TYW3: variants seen among roughly 807,000 people sequenced by gnomAD.
TYW3 encodes tRNA wybutosine-synthesizing protein 3 homolog.
In TYW3, 26 loss-of-function variants were observed where a neutral mutation model predicts 23.1. The ratio of observed to expected loss-of-function variants is 1.13; its 90% CI spans 0.83 to 1.56. TYW3 has a LOEUF of 1.56. TYW3 is among the 40% of genes most tolerant of loss of function. The pLI, the probability that TYW3 is intolerant of heterozygous loss-of-function variation, is 0.00. For missense variants in TYW3, 316 were observed against 311.9 expected (o/e 1.01, Z -0.10); for synonymous variants, 102 against 105.7 (o/e 0.97, Z 0.21).
At chr1:74,744,371 C>T (rs1350673067) in intron 3 of TYW3, among the ~76,000 whole-genome samples, 1 of 151,710 alleles carries the variant, frequency 6.6e-6, no homozygotes, top group Non-Finnish European at 1.5e-5. Flanking sequence ...ATATTGGGGC[C>T]AAGCTGTGAT....
intron 3 of TYW3, among the ~76,000 whole-genome samples, chr1:74,748,368 A>G (rs1184490972): frequency 4.6e-5 from 7 of 152,232 alleles, no homozygotes; most frequent in Admixed American, 1.3e-4. Context: ...TTTAAGCAAT[A>G]GAAGGGATAT....
At chr1:74,753,741 A>G (rs1648865323) in intron 5 of TYW3, among the ~76,000 whole-genome samples, 1 of 152,194 alleles carries the variant, frequency 6.6e-6, no homozygotes, top group Non-Finnish European at 1.5e-5. Flanking sequence ...ATTCATGGAG[A>G]ATAAACCTAT....
chr1:74,755,478 T>G (rs148951504), intron 5 of TYW3, among the ~76,000 whole-genome samples: 1 of 152,372 alleles, frequency 6.6e-6, no homozygotes, highest in East Asian at 1.9e-4. Context: ...TAATGTAGGA[T>G]TCATCCATGC....
rs1384238200 is a variant in TYW3, at chr1:74,764,035, A to C, written c.702A>C (p.Lys234Asn). 6.2e-7 allele frequency: 1 copy of C among 1,613,276 alleles called. No homozygotes were observed. The highest frequency in any genetic ancestry group is 1.3e-5 in the African/African-American group (1 of 74,870). ...PEKTRAQCIT[K>N]ESDEELENDD... ...AAACACGTGCCCAGTGTATTACTAA[A>C]GAAAGTGATGAAGAACTTGAAAATG... The change falls in exon 6 of 6, where the codon AAA becomes AAC. Residue 234 changes from lysine (K) to asparagine (N), a missense_variant. Physicochemically the swap from Lys to Asn is moderately conservative, Grantham distance 94. Transcript: ENST00000370867.
chr1:74,755,229 C>CAG (rs1366858121), intron 5 of TYW3, among the ~76,000 whole-genome samples: 1 of 152,064 alleles, frequency 6.6e-6, no homozygotes. Context: ...CCATTTTAAC[C>CAG]AGTGGCATTA....
chr1:74,744,985 C>T (rs1557744966), intron 3 of TYW3, among the ~76,000 whole-genome samples: 1 of 152,130 alleles, frequency 6.6e-6, no homozygotes. Flanking sequence ...AGTGTTACAG[C>T]TCTTAAAGGT....
Position 74,752,365 on chromosome 1 carries a change from T to C in TYW3, c.500T>C (p.Ile167Thr), listed in dbSNP as rs746044861. ...KGKLMVTEEY[I>T]DFLLNVANQK... ...AAACTGATGGTGACAGAGGAATATA[T>C]TGACTTCCTGTTAAATGTGGCAAAT... Residue 167 changes from isoleucine to threonine, a missense_variant, in exon 5 of 6, where the codon ATT becomes ACT. By Grantham distance (89) the Ile-to-Thr change is moderately conservative. Transcript: ENST00000370867. 3.1e-6 allele frequency: 5 copies of C among 1,613,528 alleles called. No individual in the cohort carries two copies. The South Asian group carries it at 4.4e-5, about 14-fold the overall frequency.
At chr1:74,736,330 T>C (rs1648152838) in intron 1 of TYW3, 1 of 372,268 alleles carries the variant, frequency 2.7e-6, no homozygotes, top group East Asian at 4.5e-5. Flanking sequence ...CAAGTAGTTT[T>C]ACCTTTCACA....
At chr1:74,745,369 A>G (rs1426823820) in intron 3 of TYW3, among the ~76,000 whole-genome samples, 1 of 152,178 alleles carries the variant, frequency 6.6e-6, no homozygotes, top group East Asian at 1.9e-4. Flanking sequence ...TCCATTTTAC[A>G]GAGAGCTGAT....
intron 2 of TYW3, among the ~76,000 whole-genome samples, chr1:74,736,916 A>C (rs1358687900): frequency 2.0e-5 from 3 of 152,234 alleles, no homozygotes; most frequent in Non-Finnish European, 4.4e-5. Context: ...GCTATTTGAA[A>C]ACCCTGTAAC....
intron 4 of TYW3, chr1:74,750,425 A>C (rs1315489497): frequency 6.6e-6 from 1 of 152,348 alleles, no homozygotes; most frequent in African/African-American, 2.4e-5. Context: ...TTAGCCAGGC[A>C]TGGTGGCATG....
chr1:74,735,331 C>T (rs553193369), intron 1 of TYW3, among the ~76,000 whole-genome samples: 7 of 152,066 alleles, frequency 4.6e-5, no homozygotes, highest in African/African-American at 1.7e-4. Context: ...TGTTTTTTGG[C>T]GGTTTTTTTC....
chr1:74,745,029 G>T (rs1012051013), intron 3 of TYW3, among the ~76,000 whole-genome samples: 1 of 152,056 alleles, frequency 6.6e-6, no homozygotes, highest in African/African-American at 2.4e-5. Context: ...CTCCTGGTGG[G>T]TTCGTGGTCT....
At chr1:74,733,828 A>G (rs1648017414) in intron 1 of TYW3, among the ~76,000 whole-genome samples, 1 of 152,204 alleles carries the variant, frequency 6.6e-6, no homozygotes, top group African/African-American at 2.4e-5. Context: ...CCGCTCATCA[A>G]CAGCTCTGGC....
At position 74,764,182 on chromosome 1, in the gene TYW3, T is replaced by A; in HGVS notation, c.*69T>A. The A allele has an allele frequency of 7.1e-7, 1 of 1,401,748 alleles. No homozygotes were observed. The highest frequency in any genetic ancestry group is 9.8e-7 in the Non-Finnish European group (1 of 1,022,004). 86.8% of individuals were successfully genotyped at this position (1,401,748 alleles called of 1,614,324 possible). ...TTTATAAAGCTGCTCTTCATAAGAG[T>A]ATTTTAGTTTGTTGAGTGTATCAGC... On this transcript the variant is annotated 3_prime_UTR_variant, in exon 6 of 6. Transcript: ENST00000370867.
chr1:74,754,223 G>T (rs1648878737), intron 5 of TYW3, among the ~76,000 whole-genome samples: 1 of 152,038 alleles, frequency 6.6e-6, no homozygotes, highest in Non-Finnish European at 1.5e-5. Flanking sequence ...TAGAGCCCAA[G>T]ATCAACTAAC....
intron 5 of TYW3, among the ~76,000 whole-genome samples, chr1:74,759,538 G>A (rs1021109402): frequency 4.6e-5 from 7 of 151,842 alleles, no homozygotes; most frequent in East Asian, 3.9e-4. Flanking sequence ...TCTAAAAATG[G>A]GTCTAAAACA....
At chr1:74,748,025 C>T (rs1648648419) in intron 3 of TYW3, among the ~76,000 whole-genome samples, 1 of 152,142 alleles carries the variant, frequency 6.6e-6, no homozygotes, top group South Asian at 2.1e-4. Flanking sequence ...GCTGGCATTT[C>T]AGGTCAAATA....
intron 3 of TYW3, among the ~76,000 whole-genome samples, chr1:74,747,781 GTATACACATGTGTACATATATA>G (rs1557746414): frequency 6.6e-6 from 1 of 150,982 alleles, no homozygotes; most frequent in East Asian, 1.9e-4. Context: ...GTGTGTATAT[GTATACACATGTGTACATATATA>G]TGTGTACACA....
Sources: gnomAD v4.1 joint callset for allele counts (sites outside exome capture counted in the v4.1 genomes callset) on GRCh38, gnomAD v4.1.1 for gene constraint, MANE v1.5 for transcripts, NCBI Gene and HGNC (gene_info 2026-07-23, HGNC 2026-07-21) for gene names.